Variants in ZNF638 observed in about 807,000 individuals in gnomAD.
The protein encoded by ZNF638 is zinc finger protein 638.
A neutral mutation model predicts 195.6 loss-of-function variants in ZNF638; 46 were observed. The ratio of observed to expected loss-of-function variants is 0.24; its 90% CI spans 0.19 to 0.30. ZNF638 has a LOEUF of 0.30. Among genes scored for constraint, ZNF638 ranks in the 10% least tolerant of loss-of-function variants. The pLI is 1.00. For missense variants in ZNF638, 2,440 were observed against 2,325.3 expected, an observed-to-expected ratio of 1.05 and a Z score of -1.01; for synonymous variants, 845 against 772.0, an observed-to-expected ratio of 1.09 and a Z score of -1.57.
chr2:71,403,718 T>G, intron 16 of ZNF638, 152 bp from the exon 17 acceptor site: 1 of 479,078 alleles, frequency 2.1e-6, no homozygotes, highest in Non-Finnish European at 3.5e-6. Flanking sequence ...TGGGCCTCAA[T>G]TTTCTGAGGA....
At chr2:71,395,803 A>G (rs1204447575) in intron 10 of ZNF638, 1 of 414,880 alleles carries the variant, frequency 2.4e-6, no homozygotes, top group Non-Finnish European at 4.4e-6. Flanking sequence ...CTGAGTCTGC[A>G]GGTCAGACTT....
intron 2 of ZNF638, among the ~76,000 whole-genome samples, chr2:71,350,966 G>A (rs1230804959): frequency 6.6e-6 from 1 of 152,174 alleles, no homozygotes; most frequent in East Asian, 1.9e-4. Flanking sequence ...TTTTGCAGAG[G>A]CAGTGAAGTG....
intron 21 of ZNF638, among the ~76,000 whole-genome samples, chr2:71,421,138 C>T (rs2080423628): frequency 6.6e-6 from 1 of 151,990 alleles, no homozygotes; most frequent in South Asian, 2.1e-4. Flanking sequence ...ATATGCAGTA[C>T]AGTAATGAGG....
intron 1 of ZNF638, chr2:71,348,488 C>T: frequency 1.7e-5 from 18 of 1,035,152 alleles, no homozygotes; most frequent in Non-Finnish European, 2.1e-5. Flanking sequence ...GTTGTAATTA[C>T]TGCTCAGCAC....
intron 14 of ZNF638, 57 bp downstream of exon 14, chr2:71,400,237 C>A: frequency 7.4e-7 from 1 of 1,354,088 alleles, no homozygotes; most frequent in Admixed American, 2.1e-5. Flanking sequence ...CAATGCCATA[C>A]CTAAGTGAAA....
At chr2:71,380,011 TG>T (rs2079507652) in intron 8 of ZNF638, 4 of 371,692 alleles carry the variant, frequency 1.1e-5, no homozygotes, top group Non-Finnish European at 9.8e-6. Flanking sequence ...GAGAAACTGC[TG>T]TAGTTAATGA....
At chr2:71,351,467 C>T (rs2078939356) in intron 2 of ZNF638, among the ~76,000 whole-genome samples, 1 of 152,132 alleles carries the variant, frequency 6.6e-6, no homozygotes, top group South Asian at 2.1e-4. Context: ...TAATTCATAT[C>T]ACCTAATTGT....
chr2:71,430,017 G>C (rs1485847252), intron 25 of ZNF638, among the ~76,000 whole-genome samples: 1 of 152,154 alleles, frequency 6.6e-6, no homozygotes. Flanking sequence ...GGCAACCTTG[G>C]CAATCAGCTT....
At chr2:71,385,867 A>T (rs1204567275) in intron 10 of ZNF638, among the ~76,000 whole-genome samples, 1 of 152,192 alleles carries the variant, frequency 6.6e-6, no homozygotes, top group Non-Finnish European at 1.5e-5. Flanking sequence ...ATAGAATTAT[A>T]TGTAGGAATA....
chr2:71,345,133 T>A (rs1293227925), intron 1 of ZNF638, among the ~76,000 whole-genome samples: 6 of 152,318 alleles, frequency 3.9e-5, no homozygotes, highest in Non-Finnish European at 7.4e-5. Context: ...TTATTTTTAA[T>A]TGTTAATCTC....
intron 27 of ZNF638, 69 bp downstream of exon 27, chr2:71,433,352 C>A: frequency 8.9e-7 from 1 of 1,120,880 alleles, no homozygotes; most frequent in South Asian, 1.3e-5. Flanking sequence ...ATTTATCTCC[C>A]CAAACGTACA....
intron 1 of ZNF638, among the ~76,000 whole-genome samples, chr2:71,337,768 A>C (rs569835438): frequency 8.2e-6 from 1 of 122,468 alleles, no homozygotes; most frequent in South Asian, 2.5e-4. Context: ...ATTGTTTTTT[A>C]TAGCAGTTTT....
At chr2:71,411,071 C>T (rs1467664436) in intron 20 of ZNF638, among the ~76,000 whole-genome samples, 3 of 145,352 alleles carry the variant, frequency 2.1e-5, no homozygotes. Flanking sequence ...GACCTCGGCT[C>T]ACTGCAGCCT....
In ZNF638 at chr2:71,406,061, T is replaced by C. The variant is rs1342842267; in HGVS notation, c.3001-67T>C. Reference sequence around the variant, plus strand: ...TGACCTCTGTAATAGTAAGTTAATGTTAATCTGTTTTACCGTTTGTTGCTT... The same window carrying C: ...TGACCTCTGTAATAGTAAGTTAATGCTAATCTGTTTTACCGTTTGTTGCTT... On this transcript the variant is annotated intron_variant, in intron 18 of 27. Coordinates refer to ENST00000264447, the MANE Select transcript of ZNF638 (RefSeq NM_014497.5). The C allele has an allele frequency of 6.3e-6, 10 of 1,575,624 alleles. No individual in the cohort carries two copies. In the African/African-American group the frequency reaches 1.4e-4, roughly 21 times the overall value.
chr2:71,334,926 A>C (rs2104062394), intron 1 of ZNF638, among the ~76,000 whole-genome samples: 1 of 152,222 alleles, frequency 6.6e-6, no homozygotes, highest in East Asian at 1.9e-4. Flanking sequence ...GTCTCCAAAA[A>C]AAAAAACAAA....
rs201808006 is a variant in ZNF638 at position 71,399,655 on chromosome 2, A to T, written c.2587+10A>T. Reference sequence around the variant, plus strand: ...CCTGTGACTATACCAGGTAAGCTTGAAATGTGGTCATTCAGTGCTTTGTTT... The same window carrying T: ...CCTGTGACTATACCAGGTAAGCTTGTAATGTGGTCATTCAGTGCTTTGTTT... On this transcript the variant is annotated intron_variant, in intron 13 of 27. Coordinates refer to ENST00000264447, the MANE Select transcript of ZNF638 (RefSeq NM_014497.5). The T allele has an allele frequency of 1.9e-6, 3 of 1,597,958 alleles. No homozygotes were observed. The East Asian group carries it at 6.7e-5, about 36-fold the overall frequency.
chr2:71,431,514 C>G, intron 26 of ZNF638, 86 bp downstream of exon 26: 1 of 1,159,590 alleles, frequency 8.6e-7, no homozygotes, highest in South Asian at 1.3e-5. Flanking sequence ...AATCCCAGCA[C>G]TTCGGGAGGC....
Position 71,349,409 on chromosome 2 carries a change from A to G in ZNF638, c.455A>G (p.Glu152Gly). ...SILASFGLSNEDLEELSRYPD... is the reference protein window; with the variant it reads ...SILASFGLSNGDLEELSRYPD... The stretch of plus-strand genomic sequence containing the variant: ...TTAGCAAGTTTTGGATTATCTAATG[A>G]AGACCTAGAAGAACTTAGTCGCTAT... The change falls in exon 2 of 28, where the codon GAA becomes GGA. Residue 152 changes from glutamate (E) to glycine (G), a missense_variant. Coordinates refer to ENST00000264447, the MANE Select transcript of ZNF638 (RefSeq NM_014497.5). 2 of 1,614,178 alleles carry G rather than the reference A, an allele frequency of 1.2e-6. No individual in the cohort carries two copies. The highest frequency in any genetic ancestry group is 2.7e-5 in the African/African-American group (2 of 75,050).
chr2:71,394,883 C>T (rs111227074), intron 10 of ZNF638, among the ~76,000 whole-genome samples: 6,301 of 152,194 alleles, frequency 0.041, 222 homozygotes, highest in African/African-American at 0.095. Flanking sequence ...TGCAAGCCCT[C>T]GAGGCTGCCT....
Sources: allele counts gnomAD v4.1 joint callset (sites outside exome capture counted in the v4.1 genomes callset), GRCh38; gene constraint gnomAD v4.1.1; transcripts MANE v1.5; gene names NCBI Gene and HGNC (gene_info 2026-07-23, HGNC 2026-07-21).